The following GRIK4 variants were observed in gnomAD, a reference collection of about 807,000 sequenced individuals.
GRIK4 encodes glutamate ionotropic receptor kainate type subunit 4, also known as glutamate receptor ionotropic, kainate 4.
Under a neutral mutation model 104.9 loss-of-function variants are expected in GRIK4, and 40 were observed. The observed-to-expected ratio is 0.38, with a 90% confidence interval of 0.30 to 0.50. The LOEUF (loss-of-function observed/expected upper bound fraction) is 0.50. Ranked by LOEUF, GRIK4 falls within the 20% of genes least tolerant of loss-of-function variation. The probability of loss-of-function intolerance (pLI) is 0.93; values close to 1 mark genes in which losing one functional copy is unlikely to be tolerated. For missense variants in GRIK4, 1,047 were observed against 1,308.1 expected (o/e 0.80, Z 3.08); for synonymous variants, 485 against 524.9 (o/e 0.92, Z 1.04).
intron 1 of GRIK4, among the ~76,000 whole-genome samples, chr11:120,617,791 A>C (rs558254628): frequency 2.0e-5 from 3 of 152,280 alleles, no homozygotes; most frequent in Non-Finnish European, 4.4e-5. Flanking sequence ...AGGCCTCCCC[A>C]GAAGCAGATG....
chr11:120,602,462 G>A (rs1409247215), intron 1 of GRIK4, among the ~76,000 whole-genome samples: 2 of 152,136 alleles, frequency 1.3e-5, no homozygotes, highest in Non-Finnish European at 2.9e-5. Flanking sequence ...TGGCCTGGCA[G>A]CTTCTAGAAA....
intron 1 of GRIK4, among the ~76,000 whole-genome samples, chr11:120,617,962 T>C (rs1949137415): frequency 6.6e-6 from 1 of 151,992 alleles, no homozygotes; most frequent in Admixed American, 6.6e-5. Flanking sequence ...TACCTGAAAA[T>C]GTGGAAGCAA....
At chr11:120,595,219 CG>C (rs1565565754) in intron 1 of GRIK4, among the ~76,000 whole-genome samples, 1 of 152,214 alleles carries the variant, frequency 6.6e-6, no homozygotes, top group Non-Finnish European at 1.5e-5. Flanking sequence ...TCTCCTGCCT[CG>C]GGAGATGTGC....
chr11:120,512,044 C>T (rs1433427218), intron 1 of GRIK4, among the ~76,000 whole-genome samples, 157 bp downstream of exon 1: 5 of 144,244 alleles, frequency 3.5e-5, no homozygotes, highest in East Asian at 4.2e-4. Context: ...CTGCCCCGGC[C>T]CCCGCCCCCG....
chr11:120,525,860 C>T (rs1055775344), intron 1 of GRIK4, among the ~76,000 whole-genome samples: 3 of 151,980 alleles, frequency 2.0e-5, no homozygotes, highest in Admixed American at 6.6e-5. Context: ...ACTCACTGTG[C>T]GGCGTTGGAC....
intron 19 of GRIK4, among the ~76,000 whole-genome samples, chr11:120,978,836 G>A (rs1160240997): frequency 6.6e-6 from 1 of 152,212 alleles, no homozygotes; most frequent in African/African-American, 2.4e-5. Context: ...GAGATTGGAA[G>A]AGAGCAATGA....
intron 13 of GRIK4, among the ~76,000 whole-genome samples, chr11:120,930,842 A>T (rs1363479270): frequency 6.6e-6 from 1 of 151,932 alleles, no homozygotes; most frequent in East Asian, 1.9e-4. Flanking sequence ...AGTGATGGAG[A>T]TGGGGCTGAA....
intron 1 of GRIK4, among the ~76,000 whole-genome samples, chr11:120,599,136 A>T (rs1948846366): frequency 6.6e-6 from 1 of 152,260 alleles, no homozygotes; most frequent in Non-Finnish European, 1.5e-5. Context: ...ACGGGATATC[A>T]CGAGGCTGTG....
At chr11:120,527,454 G>A (rs886293922) in intron 1 of GRIK4, among the ~76,000 whole-genome samples, 2 of 152,188 alleles carry the variant, frequency 1.3e-5, no homozygotes, top group African/African-American at 4.8e-5. Context: ...GCATGGCAAT[G>A]CTTATCCCAG....
At chr11:120,533,843 C>T (rs1449713387) in intron 1 of GRIK4, among the ~76,000 whole-genome samples, 1 of 152,218 alleles carries the variant, frequency 6.6e-6, no homozygotes, top group Non-Finnish European at 1.5e-5. Flanking sequence ...CCCCACTGCA[C>T]TCCAGCCTGG....
intron 3 of GRIK4, among the ~76,000 whole-genome samples, chr11:120,766,303 C>G (rs367567234): frequency 1.3e-5 from 2 of 152,344 alleles, no homozygotes; most frequent in Admixed American, 6.5e-5. Flanking sequence ...GCCCCTCCCC[C>G]CACCAAGCCT....
intron 1 of GRIK4, among the ~76,000 whole-genome samples, chr11:120,556,769 C>T (rs1948191046): frequency 6.6e-6 from 1 of 152,190 alleles, no homozygotes; most frequent in Non-Finnish European, 1.5e-5. Flanking sequence ...TCCATAGGTT[C>T]ATAATTACAG....
chr11:120,694,526 C>A (rs893634823), intron 3 of GRIK4, among the ~76,000 whole-genome samples: 2 of 152,138 alleles, frequency 1.3e-5, no homozygotes, highest in African/African-American at 4.8e-5. Context: ...TCCCCACCCA[C>A]CCCCCAACCC....
At chr11:120,824,250 T>C (rs925781674) in intron 6 of GRIK4, among the ~76,000 whole-genome samples, 1 of 152,174 alleles carries the variant, frequency 6.6e-6, no homozygotes, top group Non-Finnish European at 1.5e-5. Flanking sequence ...AAAAAGAACA[T>C]TTGCAAGTGC....
intron 19 of GRIK4, among the ~76,000 whole-genome samples, chr11:120,976,522 A>C (rs1944563502): frequency 6.6e-6 from 1 of 152,180 alleles, no homozygotes; most frequent in Non-Finnish European, 1.5e-5. Flanking sequence ...TATTTGATAC[A>C]CTTGCATGGC....
intron 3 of GRIK4, among the ~76,000 whole-genome samples, chr11:120,751,232 A>T (rs1951545344): frequency 6.6e-6 from 1 of 152,086 alleles, no homozygotes; most frequent in African/African-American, 2.4e-5. Context: ...GGGCAGGCAG[A>T]GCCTTGCCAG....
chr11:120,907,352 G>A (rs533909129), intron 13 of GRIK4, among the ~76,000 whole-genome samples: 1 of 152,254 alleles, frequency 6.6e-6, no homozygotes, highest in Admixed American at 6.5e-5. Context: ...CTAATGAGCT[G>A]TGACATAGAC....
At chr11:120,796,721 C>T (rs752736165) in intron 3 of GRIK4, among the ~76,000 whole-genome samples, 1 of 151,982 alleles carries the variant, frequency 6.6e-6, no homozygotes, top group African/African-American at 2.4e-5. Flanking sequence ...ATGCTATGAC[C>T]GTGGAAGCCA....
chr11:120,594,306 C>T (rs533372691), intron 1 of GRIK4, among the ~76,000 whole-genome samples: 31 of 152,140 alleles, frequency 2.0e-4, no homozygotes, highest in Admixed American at 1.8e-3. Flanking sequence ...GGTGAGACCC[C>T]GTGTCTTAAA....
Sources: allele counts gnomAD v4.1 joint callset (sites outside exome capture counted in the v4.1 genomes callset), GRCh38; gene constraint gnomAD v4.1.1; transcripts MANE v1.5; gene names NCBI Gene and HGNC (gene_info 2026-07-23, HGNC 2026-07-21).